Variants in FANK1 observed in about 807,000 individuals in gnomAD.
FANK1 encodes the protein fibronectin type III and ankyrin repeat domains 1.
A neutral mutation model predicts 45.3 loss-of-function variants in FANK1; 44 were observed. That is an observed-to-expected ratio of 0.97 (90% CI 0.76 to 1.25). The LOEUF is 1.25. FANK1 is among the 50% of genes most tolerant of loss of function. FANK1 has a pLI of 0.00. For synonymous variants in FANK1, 149 were observed against 152.5 expected (o/e 0.98, Z 0.17); for missense variants, 391 against 424.4 (o/e 0.92, Z 0.69).
At chr10:125,938,150 T>C (rs1433833715) in intron 1 of FANK1, among the ~76,000 whole-genome samples, 1 of 152,222 alleles carries the variant, frequency 6.6e-6, no homozygotes, top group African/African-American at 2.4e-5. Context: ...GTATGTATTC[T>C]GGGATTGAAC....
intron 1 of FANK1, among the ~76,000 whole-genome samples, chr10:125,961,612 A>T (rs1389893697): frequency 6.6e-6 from 1 of 152,198 alleles, no homozygotes; most frequent in Non-Finnish European, 1.5e-5. Flanking sequence ...CAAAGACCTA[A>T]ATGTAAGATC....
chr10:125,982,245 G>A lies in FANK1; in HGVS notation c.191+1907G>A, dbSNP rs550738922. 1.6e-4 allele frequency among the ~76,000 whole-genome samples: 24 copies of A among 152,388 alleles called. No homozygotes were observed. In the East Asian group the frequency reaches 4.6e-3, roughly 29 times the overall value. ...CTGCATCGTTCTTTCTTCCTTGGCTGTGCCTTTGCTGGGTGGCCAGGTAGG... is the reference window on the plus strand; with the variant it reads ...CTGCATCGTTCTTTCTTCCTTGGCTATGCCTTTGCTGGGTGGCCAGGTAGG... On this transcript the variant is annotated intron_variant, in intron 2 of 10. Transcript: ENST00000368693.
chr10:125,961,025 T>C (rs1048286857), intron 1 of FANK1, among the ~76,000 whole-genome samples: 2 of 152,270 alleles, frequency 1.3e-5, no homozygotes, highest in South Asian at 4.1e-4. Context: ...CATGGTACTG[T>C]CATAAAAACA....
At chr10:125,984,419 C>T (rs1179421573) in intron 2 of FANK1, among the ~76,000 whole-genome samples, 3 of 152,156 alleles carry the variant, frequency 2.0e-5, no homozygotes, top group Non-Finnish European at 4.4e-5. Flanking sequence ...TAGATAGAAT[C>T]CTTGTGGGAG....
chr10:125,910,407 T>G (rs944654823), intron 1 of FANK1, among the ~76,000 whole-genome samples: 24 of 152,206 alleles, frequency 1.6e-4, no homozygotes, highest in African/African-American at 4.8e-4. Flanking sequence ...GAAAGAATGT[T>G]AGTGAAAAGT....
At chr10:125,962,734 T>A (rs573776855) in intron 1 of FANK1, among the ~76,000 whole-genome samples, 8 of 152,162 alleles carry the variant, frequency 5.3e-5, no homozygotes, top group Non-Finnish European at 1.2e-4. Flanking sequence ...ACTAATTGTG[T>A]CATAGATGTC....
At chr10:125,968,537 T>G (rs868615624) in intron 1 of FANK1, among the ~76,000 whole-genome samples, 10 of 150,786 alleles carry the variant, frequency 6.6e-5, no homozygotes, top group Middle Eastern at 6.8e-3. Context: ...TTTATATTTG[T>G]TTTTTTTCTT....
At chr10:125,911,848 C>A (rs142155065) in intron 1 of FANK1, among the ~76,000 whole-genome samples, 1 of 152,166 alleles carries the variant, frequency 6.6e-6, no homozygotes, top group Non-Finnish European at 1.5e-5. Flanking sequence ...TTTTTCTCCA[C>A]TGCATACCTT....
At chr10:125,922,945 GTCT>G (rs1322221920) in intron 1 of FANK1, among the ~76,000 whole-genome samples, 5 of 152,066 alleles carry the variant, frequency 3.3e-5, no homozygotes, top group Non-Finnish European at 5.9e-5. Context: ...GAACTGGGGA[GTCT>G]TCTTTTTTTA....
In FANK1 at chr10:125,951,010, G is replaced by T. The variant is rs571594369; in HGVS notation, c.14-29151G>T. Among the ~76,000 whole-genome samples the T allele has an allele frequency of 1.4e-4, 21 of 145,182 alleles. No homozygotes were observed. In the East Asian group the frequency reaches 4.3e-3, roughly 30 times the overall value. The stretch of plus-strand genomic sequence containing the variant: ...TCGCAAGAACAAAAAACCAAACACC[G>T]CATATTCTCACTCATAGGTGGGAAT... On this transcript the variant is annotated intron_variant, in intron 1 of 10. Coordinates refer to ENST00000368693, the MANE Select transcript of FANK1 (RefSeq NM_145235.5).
At chr10:125,965,274 G>T (rs1438787964) in intron 1 of FANK1, among the ~76,000 whole-genome samples, 2 of 152,172 alleles carry the variant, frequency 1.3e-5, no homozygotes, top group East Asian at 1.9e-4. Context: ...CTCCTGAATT[G>T]CTTGGTCATA....
intron 1 of FANK1, among the ~76,000 whole-genome samples, chr10:125,932,184 C>A (rs536375476): frequency 6.6e-6 from 1 of 152,076 alleles, no homozygotes; most frequent in African/African-American, 2.4e-5. Flanking sequence ...GCTCTGCGGG[C>A]TCTTTTTTGG....
At chr10:125,968,173 C>T (rs1308524759) in intron 1 of FANK1, among the ~76,000 whole-genome samples, 1 of 151,862 alleles carries the variant, frequency 6.6e-6, no homozygotes, top group Non-Finnish European at 1.5e-5. Flanking sequence ...GTTGCCTAGG[C>T]TGGTCTCTTC....
chr10:125,938,062 G>GTA (rs1299118856), intron 1 of FANK1, among the ~76,000 whole-genome samples: 2 of 152,042 alleles, frequency 1.3e-5, no homozygotes, highest in Admixed American at 6.6e-5. Context: ...ATGTTTATTG[G>GTA]TATATATATT....
chr10:125,969,158 A>C (rs1423603732), intron 1 of FANK1, among the ~76,000 whole-genome samples: 2 of 152,174 alleles, frequency 1.3e-5, no homozygotes, highest in Non-Finnish European at 2.9e-5. Context: ...TGATGAAAAG[A>C]TCCTACCAAT....
At chr10:125,970,596 C>T (rs1022410315) in intron 1 of FANK1, among the ~76,000 whole-genome samples, 3 of 152,176 alleles carry the variant, frequency 2.0e-5, no homozygotes, top group South Asian at 2.1e-4. Flanking sequence ...GCAGATCACT[C>T]GAGGTCAGGA....
At chr10:125,934,593 T>TGGA (rs10648985) in intron 1 of FANK1, among the ~76,000 whole-genome samples, 1,764 of 152,144 alleles carry the variant, frequency 0.012, 22 homozygotes, top group African/African-American at 0.04. Flanking sequence ...CAGAACAGAC[T>TGGA]GGAGGAGGAG....
At chr10:125,902,067 C>T (rs181081875) in intron 1 of FANK1, among the ~76,000 whole-genome samples, 4 of 152,052 alleles carry the variant, frequency 2.6e-5, no homozygotes, top group Non-Finnish European at 4.4e-5. Context: ...TGCAGTGAGC[C>T]GAGATAGCAC....
chr10:125,946,799 A>G (rs548448673), intron 1 of FANK1, among the ~76,000 whole-genome samples: 6 of 11,384 alleles, frequency 5.3e-4, no homozygotes, highest in South Asian at 3.2e-3. Context: ...TCCAAGACAC[A>G]TATTTCCTCA....
Sources: allele counts gnomAD v4.1 joint callset (sites outside exome capture counted in the v4.1 genomes callset), GRCh38; gene constraint gnomAD v4.1.1; transcripts MANE v1.5; gene names NCBI Gene and HGNC (gene_info 2026-07-23, HGNC 2026-07-21).